Variants in DSE observed in about 807,000 individuals in gnomAD.
DSE encodes dermatan-sulfate epimerase.
In DSE, 36 loss-of-function variants were observed where a neutral mutation model predicts 84.4. That is an observed-to-expected ratio of 0.43 (90% confidence interval 0.33 to 0.56). The LOEUF (loss-of-function observed/expected upper bound fraction) is 0.56. Ranked by LOEUF, DSE falls within the 20% of genes least tolerant of loss-of-function variation. The probability of loss-of-function intolerance (pLI) is 0.06; values close to 1 mark genes in which losing one functional copy is unlikely to be tolerated. For missense variants in DSE, 862 were observed against 1,169.6 expected (o/e 0.74, Z 3.84); for synonymous variants, 410 against 430.1 (o/e 0.95, Z 0.58).
intron 1 of DSE, among the ~76,000 whole-genome samples, chr6:116,394,113 A>G (rs773187150): frequency 1.3e-5 from 2 of 152,214 alleles, no homozygotes; most frequent in African/African-American, 2.4e-5. Context: ...CTTTCTCTGA[A>G]ATTTATTGTG....
rs73551510 is a variant in DSE, at chr6:116,356,697, C to T, written c.-53-42501C>T. Among the ~76,000 whole-genome samples the T allele has an allele frequency of 7.7e-3, 1,175 of 152,186 alleles. 12 individuals carry two copies. The highest frequency in any genetic ancestry group is 0.027 in the African/African-American group (1,112 of 41,494). ...TGGTAAAGTGACTTATTCTGGTAAC[C>T]TGAGTTGTTGGTAGAGCCAGGGTAT... On this transcript the variant is annotated intron_variant, in intron 2 of 3. Transcript: ENST00000430252.
intron 2 of DSE, among the ~76,000 whole-genome samples, chr6:116,276,081 A>G (rs900751719): frequency 6.6e-6 from 1 of 152,224 alleles, no homozygotes; most frequent in East Asian, 1.9e-4. Flanking sequence ...TTTCTAGAAC[A>G]GAGGTCCCTC....
At chr6:116,257,960 G>A (rs1772216113) in intron 1 of DSE, among the ~76,000 whole-genome samples, 1 of 152,160 alleles carries the variant, frequency 6.6e-6, no homozygotes, top group Non-Finnish European at 1.5e-5. Context: ...AAGAATTCAT[G>A]ATTCTGTGTT....
intron 1 of DSE, among the ~76,000 whole-genome samples, chr6:116,388,559 A>T (rs1267245874): frequency 1.3e-5 from 2 of 152,238 alleles, no homozygotes; most frequent in Non-Finnish European, 2.9e-5. Flanking sequence ...AATTAAAGAT[A>T]TTTAATTTAC....
intron 2 of DSE, among the ~76,000 whole-genome samples, chr6:116,304,094 G>A (rs1775200413): frequency 1.3e-5 from 2 of 150,100 alleles, no homozygotes; most frequent in African/African-American, 2.5e-5. Context: ...CTGCACTCCA[G>A]CCTGGGCGAC....
At chr6:116,383,246 T>C (rs1322422387) in intron 1 of DSE, among the ~76,000 whole-genome samples, 5 of 152,100 alleles carry the variant, frequency 3.3e-5, no homozygotes, top group Non-Finnish European at 7.4e-5. Flanking sequence ...GAAAAATAAG[T>C]TTACTACAAA....
chr6:116,418,447 C>A (rs1000811775), intron 2 of DSE, among the ~76,000 whole-genome samples: 3 of 152,192 alleles, frequency 2.0e-5, no homozygotes, highest in Non-Finnish European at 4.4e-5. Context: ...TAGAGTAGTA[C>A]ATTAGGTGTG....
chr6:116,364,417 A>T (rs1470983914), intron 2 of DSE, among the ~76,000 whole-genome samples: 1 of 152,254 alleles, frequency 6.6e-6, no homozygotes, highest in Non-Finnish European at 1.5e-5. Flanking sequence ...ACTATTTCCC[A>T]TCTAAAAGAT....
At chr6:116,329,950 G>A (rs1272224408) in intron 2 of DSE, among the ~76,000 whole-genome samples, 1 of 152,030 alleles carries the variant, frequency 6.6e-6, no homozygotes, top group African/African-American at 2.4e-5. Flanking sequence ...CAGCCTCCCG[G>A]GTAGCTGGGA....
chr6:116,284,786 T>TG (rs1773777910), intron 2 of DSE, among the ~76,000 whole-genome samples: 1 of 151,746 alleles, frequency 6.6e-6, no homozygotes, highest in Admixed American at 6.6e-5. Flanking sequence ...TTTCTGTCCT[T>TG]GCAATAGTTT....
intron 2 of DSE, among the ~76,000 whole-genome samples, chr6:116,345,818 A>G (rs534177855): frequency 2.0e-5 from 3 of 152,326 alleles, no homozygotes; most frequent in East Asian, 3.9e-4. Flanking sequence ...CAAAAAATCA[A>G]TGAATCCAGG....
intron 2 of DSE, among the ~76,000 whole-genome samples, chr6:116,326,583 C>G (rs1206021718): frequency 6.6e-6 from 1 of 152,180 alleles, no homozygotes; most frequent in Non-Finnish European, 1.5e-5. Context: ...GATACTGAGG[C>G]AGCCAAATCC....
intron 2 of DSE, among the ~76,000 whole-genome samples, chr6:116,296,929 G>T (rs7771650): frequency 6.6e-6 from 1 of 151,898 alleles, no homozygotes. Flanking sequence ...AATCATTTGC[G>T]CTGTTTTGTG....
chr6:116,386,796 A>G (rs746022020), intron 1 of DSE, among the ~76,000 whole-genome samples: 2 of 152,212 alleles, frequency 1.3e-5, no homozygotes, highest in Non-Finnish European at 2.9e-5. Context: ...GTAAAGGGCC[A>G]GTCCTGAAGA....
intron 1 of DSE, among the ~76,000 whole-genome samples, chr6:116,378,783 C>T (rs888159609): frequency 6.6e-6 from 1 of 152,078 alleles, no homozygotes; most frequent in African/African-American, 2.4e-5. Flanking sequence ...CTTTTTTATT[C>T]TAGATAACCT....
At chr6:116,307,567 TAATA>T (rs1365857713) in intron 2 of DSE, among the ~76,000 whole-genome samples, 6 of 152,254 alleles carry the variant, frequency 3.9e-5, no homozygotes, top group Non-Finnish European at 7.3e-5. Flanking sequence ...ATGCTGTTAC[TAATA>T]AATTATGATT....
chr6:116,361,525 G>A (rs1303003655), intron 2 of DSE, among the ~76,000 whole-genome samples: 2 of 152,116 alleles, frequency 1.3e-5, no homozygotes, highest in African/African-American at 2.4e-5. Flanking sequence ...GTGTGATGGT[G>A]CACATCTACA....
At chr6:116,360,234 G>C (rs995757811) in intron 2 of DSE, among the ~76,000 whole-genome samples, 1 of 152,272 alleles carries the variant, frequency 6.6e-6, no homozygotes, top group African/African-American at 2.4e-5. Context: ...ACAGCTAATG[G>C]ATGCTGGGCT....
Position 116,347,962 on chromosome 6 carries a change from A to C in DSE, c.-53-51236A>C, listed in dbSNP as rs558404573. 5.3e-5 allele frequency among the ~76,000 whole-genome samples: 8 copies of C among 152,328 alleles called. No individual in the cohort carries two copies. In the East Asian group the frequency reaches 1.5e-3, roughly 29 times the overall value. ...CAAATTTATGAGAAATAAATCAAAC[A>C]ACCCCATCAAAAAGTGGGTGAAGGA... is the stretch of plus-strand genomic sequence containing the variant. On this transcript the variant is annotated intron_variant, in intron 2 of 3. Coordinates refer to the DSE transcript ENST00000430252.
Sources: allele counts gnomAD v4.1 joint callset (sites outside exome capture counted in the v4.1 genomes callset), GRCh38; gene constraint gnomAD v4.1.1; transcripts MANE v1.5; gene names NCBI Gene and HGNC (gene_info 2026-07-23, HGNC 2026-07-21).